PABIR2: variants seen among roughly 807,000 people sequenced by gnomAD.
PABIR2 encodes PABIR family member 2.
In PABIR2, 7 loss-of-function variants were observed where a neutral mutation model predicts 22.8. The observed-to-expected ratio is 0.31, with a 90% CI of 0.17 to 0.58. The LOEUF (loss-of-function observed/expected upper bound fraction) is 0.58, where lower values mean the gene tolerates loss of function less well. Ranked by LOEUF, PABIR2 falls within the 20% of genes least tolerant of loss-of-function variation. The pLI is 0.89. For missense variants in PABIR2, 155 were observed against 205.1 expected (o/e 0.76, Z 1.49); for synonymous variants, 67 against 73.8 (o/e 0.91, Z 0.47).
intron 6 of PABIR2, 73 bp from the exon 7 acceptor site, chrX:134,787,606 C>CTTTA: frequency 3.3e-6 from 1 of 298,839 alleles, no homozygotes; most frequent in Non-Finnish European, 5.0e-6. Flanking sequence ...CTCCAGTTTT[C>CTTTA]TTTCTTTTTT....
At chrX:134,789,478 A>G (rs2079483667) in intron 3 of PABIR2, 102 bp downstream of exon 3, 2 of 885,638 alleles carry the variant, frequency 2.3e-6, no homozygotes, top group Middle Eastern at 2.7e-4. Flanking sequence ...TCTGTCTCCA[A>G]CTAACCAGAG....
At chrX:134,780,588 A>G (rs2079130913) in intron 9 of PABIR2, among the ~76,000 whole-genome samples, 1 of 112,241 alleles carries the variant, frequency 8.9e-6, no homozygotes, top group South Asian at 3.7e-4. Context: ...AAAAAACAAA[A>G]CAAAAAAAAT....
intron 2 of PABIR2, among the ~76,000 whole-genome samples, chrX:134,793,333 A>G (rs1412980890): frequency 8.9e-6 from 1 of 112,524 alleles, no homozygotes; most frequent in Non-Finnish European, 1.9e-5. Flanking sequence ...TAATAAAGCA[A>G]TCCCTGACAG....
chrX:134,772,014 T>A lies in PABIR2; in HGVS notation c.*125A>T. 1 of 1,038,672 alleles carries A rather than the reference T, an allele frequency of 9.6e-7. No individual in the cohort carries two copies. Among genetic ancestry groups the A allele is most frequent in the African/African-American group, 1.9e-5 (1 of 52,478 alleles). The allele number at this position is 1,038,672 out of a possible 1,213,427, so 85.6% of individuals were successfully genotyped here. On this transcript the variant is annotated 3_prime_UTR_variant, in exon 10 of 10. Transcript: ENST00000343004. ...GAAGAGAGATGCCAAAGAGTAATAA[T>A]AGCATCAGAATGTGTGAAATCTGTA...
Position 134,771,376 on chromosome X carries a change from T to C in PABIR2, c.*763A>G. ...CCACCTAGAAATATCAACAATATTT[T>C]ATATATTCCTTAGGGCAACAGGTTT... On this transcript the variant is annotated 3_prime_UTR_variant, in exon 10 of 10. Coordinates refer to ENST00000343004, the MANE Select transcript of PABIR2 (RefSeq NM_001387468.1). 1 of 1,147,911 alleles carries C rather than the reference T, an allele frequency of 8.7e-7. No individual in the cohort carries two copies. The highest frequency in any genetic ancestry group is 1.8e-5 in the African/African-American group (1 of 55,858). 94.6% of individuals were successfully genotyped at this position (1,147,911 alleles called of 1,213,427 possible).
At chrX:134,789,348 C>A (rs1480681193) in intron 3 of PABIR2, 82 bp from the exon 4 acceptor site, 1 of 1,114,375 alleles carries the variant, frequency 9.0e-7, no homozygotes, top group Admixed American at 2.2e-5. Flanking sequence ...TTTTTATCCA[C>A]ATAGTTCTCT....
At chrX:134,793,208 T>C (rs191000990) in intron 2 of PABIR2, among the ~76,000 whole-genome samples, 3 of 112,007 alleles carry the variant, frequency 2.7e-5, no homozygotes, top group African/African-American at 9.7e-5. Context: ...TAGGGATCTA[T>C]CTTCTTTCAC....
intron 2 of PABIR2, among the ~76,000 whole-genome samples, chrX:134,789,995 A>G (rs1346197294): frequency 1.8e-5 from 2 of 112,023 alleles, no homozygotes; most frequent in Non-Finnish European, 3.8e-5. Flanking sequence ...AAAAAACACC[A>G]ATGTTATTAA....
At chrX:134,784,895 T>C (rs1053740602) in intron 8 of PABIR2, among the ~76,000 whole-genome samples, 73 of 111,791 alleles carry the variant, frequency 6.5e-4, no homozygotes, top group Non-Finnish European at 1.1e-3. Context: ...CACCCTGTTA[T>C]ATAAAAAACT....
At chrX:134,787,398 C>A in intron 7 of PABIR2, 74 bp downstream of exon 7, 3 of 1,065,161 alleles carry the variant, frequency 2.8e-6, no homozygotes, top group East Asian at 3.1e-5. Flanking sequence ...CTGCGCCCAG[C>A]CACAAAAAGC....
chrX:134,773,264 A>G (rs1476372435), intron 9 of PABIR2, among the ~76,000 whole-genome samples: 1 of 110,068 alleles, frequency 9.1e-6, no homozygotes, highest in Non-Finnish European at 1.9e-5. Flanking sequence ...GAATTCAATC[A>G]TTCACTTATT....
Position 134,793,896 on chromosome X carries a change from GA to G in PABIR2, c.99-4del. 2 of 1,196,379 alleles carry G rather than the reference GA, an allele frequency of 1.7e-6. No homozygotes were observed. Among genetic ancestry groups the G allele is most frequent in the Admixed American group, 2.3e-5 (1 of 43,022 alleles). ...GTTGGAAAACCTGTGAAAGGTCACT[GA>G]AAAAAACAAAAACAAACAAACAAAA... is the stretch of plus-strand genomic sequence containing the variant. On this transcript the variant is annotated splice_region_variant and splice_polypyrimidine_tract_variant and intron_variant, in intron 1 of 9. Coordinates refer to ENST00000343004, the MANE Select transcript of PABIR2 (RefSeq NM_001387468.1).
In PABIR2 at chrX:134,785,929, G is replaced by C. The variant is rs575159214; in HGVS notation, c.519C>G (p.Val173=). ...CAAGAACACTGGGTCTAATGCACTT[G>C]ACTGGACTCTGACTTCTCCTGCTTT... ...RFSSRRSQSP[V]KCIRPSVLGP... is the part of the protein sequence containing the mutation. Residue 173 remains valine (V), a synonymous_variant, in exon 8 of 10, where the codon GTC becomes GTG. Transcript: ENST00000343004. 43 of 1,209,572 alleles carry C rather than the reference G, an allele frequency of 3.6e-5. 1 individual carries two copies. The African/African-American group carries it at 4.0e-4, about 11-fold the overall frequency.
Position 134,771,713 on chromosome X carries a change from G to A in PABIR2, c.*426C>T. On this transcript the variant is annotated 3_prime_UTR_variant, in exon 10 of 10. Coordinates refer to ENST00000343004, the MANE Select transcript of PABIR2 (RefSeq NM_001387468.1). ...GAAATAAAGAGAGATTTGAAACTAT[G>A]TAGTCAACAGAGGACAAAAAAAAAT... is the stretch of plus-strand genomic sequence containing the variant. 1.3e-6 allele frequency: 1 copy of A among 788,847 alleles called. No individual in the cohort carries two copies. The highest frequency in any genetic ancestry group is 1.5e-6 in the Non-Finnish European group (1 of 661,389). 65.0% of individuals were successfully genotyped at this position (788,847 alleles called of 1,213,427 possible). A position where few individuals can be genotyped will look rare whatever the true frequency, so the allele number is the denominator to read the frequency against.
chrX:134,792,082 C>T lies in PABIR2; in HGVS notation c.177+1733G>A, dbSNP rs188922726. On this transcript the variant is annotated intron_variant, in intron 2 of 9. Coordinates refer to ENST00000343004, the MANE Select transcript of PABIR2 (RefSeq NM_001387468.1). ...CAGGTTACCATGGGACACAGATAAA[C>T]GTACTAAGATTTATAGCACATCCTG... 6.6e-3 allele frequency among the ~76,000 whole-genome samples: 744 copies of T among 112,195 alleles called. 2 individuals carry two copies. Among genetic ancestry groups the T allele is most frequent in the Admixed American group, 0.015 (158 of 10,540 alleles).
At chrX:134,781,604 C>CTGTA (rs1328979317) in intron 9 of PABIR2, among the ~76,000 whole-genome samples, 2 of 111,695 alleles carry the variant, frequency 1.8e-5, no homozygotes, top group Non-Finnish European at 3.8e-5. Context: ...AACGAAGCAC[C>CTGTA]TGTATCAACT....
intron 9 of PABIR2, among the ~76,000 whole-genome samples, chrX:134,778,504 CAAAAAA>C (rs750595910): frequency 3.0e-5 from 1 of 32,989 alleles, no homozygotes. Context: ...AACTCCGTCT[CAAAAAA>C]AAAAAAAAAA....
At chrX:134,785,852 T>C (rs1292864823) in intron 8 of PABIR2, 34 bp downstream of exon 8, 1 of 1,149,357 alleles carries the variant, frequency 8.7e-7, no homozygotes, top group African/African-American at 1.8e-5. Context: ...TGTGACACAG[T>C]AGCATTAGCT....
chrX:134,788,413 G>A (rs1179677756), intron 6 of PABIR2, among the ~76,000 whole-genome samples: 1 of 94,420 alleles, frequency 1.1e-5, no homozygotes, highest in Non-Finnish European at 2.1e-5. Context: ...ATATATACAC[G>A]TTATATATGT....
Sources: allele counts gnomAD v4.1 joint callset (sites outside exome capture counted in the v4.1 genomes callset), GRCh38; gene constraint gnomAD v4.1.1; transcripts MANE v1.5; gene names NCBI Gene and HGNC (gene_info 2026-07-23, HGNC 2026-07-21).